Variants in ZNF438 observed in about 807,000 individuals in gnomAD.
The protein encoded by ZNF438 is zinc finger protein 438.
Under a neutral mutation model 38.0 loss-of-function variants are expected in ZNF438, and 25 were observed. The ratio of observed to expected loss-of-function variants is 0.66; its 90% CI spans 0.48 to 0.92. The LOEUF (loss-of-function observed/expected upper bound fraction) is 0.92. Among genes scored for constraint, ZNF438 ranks in the 40% least tolerant of loss-of-function variants. The pLI is 0.00. For missense variants in ZNF438, 1,007 were observed against 999.6 expected (o/e 1.01, Z -0.10); for synonymous variants, 372 against 364.1 (o/e 1.02, Z -0.25).
chr10:30,888,344 A>AACACACACACAC (rs140506626), intron 3 of ZNF438, among the ~76,000 whole-genome samples: 59,752 of 147,250 alleles, frequency 0.41, 13,328 homozygotes, highest in Non-Finnish European at 0.48. Flanking sequence ...TAATATTATA[A>AACACACACACAC]ACACACACAC....
At chr10:30,994,451 C>A (rs1280248070) in intron 1 of ZNF438, among the ~76,000 whole-genome samples, 2 of 152,134 alleles carry the variant, frequency 1.3e-5, no homozygotes, top group African/African-American at 4.8e-5. Flanking sequence ...GGTAGGCTAG[C>A]TATCACAAGA....
chr10:30,878,617 G>A lies in ZNF438; in HGVS notation c.-31-1552C>T, dbSNP rs77054528. Among the ~76,000 whole-genome samples the A allele has an allele frequency of 4.9e-3, 739 of 152,240 alleles. 1 individual carries two copies. Among genetic ancestry groups the A allele is most frequent in the Non-Finnish European group, 8.6e-3 (586 of 67,992 alleles). The stretch of plus-strand genomic sequence containing the variant: ...AGCCCTTTGCCCTTGCTGGTGGAGT[G>A]TAGACACCCCACATGACAAGACAAG... On this transcript the variant is annotated intron_variant, in intron 3 of 5. Coordinates refer to ENST00000413025, the Ensembl canonical transcript of ZNF438.
intron 1 of ZNF438, among the ~76,000 whole-genome samples, chr10:31,021,305 A>G (rs969021482): frequency 6.6e-6 from 1 of 152,212 alleles, no homozygotes; most frequent in African/African-American, 2.4e-5. Flanking sequence ...TAACATCTCC[A>G]TAGGAAAATA....
At chr10:31,011,817 GATGTT>G (rs2055730228) in intron 1 of ZNF438, among the ~76,000 whole-genome samples, 1 of 152,186 alleles carries the variant, frequency 6.6e-6, no homozygotes, top group African/African-American at 2.4e-5. Context: ...AAGTAAAACA[GATGTT>G]ATGTCTCTGA....
intron 2 of ZNF438, among the ~76,000 whole-genome samples, chr10:30,939,119 T>C (rs1278375565): frequency 6.6e-6 from 1 of 152,160 alleles, no homozygotes; most frequent in African/African-American, 2.4e-5. Flanking sequence ...ACATCTTTTG[T>C]TCCCACTTCC....
At chr10:30,883,631 G>A (rs977711849) in intron 3 of ZNF438, among the ~76,000 whole-genome samples, 5 of 152,076 alleles carry the variant, frequency 3.3e-5, no homozygotes, top group Non-Finnish European at 7.4e-5. Context: ...AACACTTTTG[G>A]GGGCAGAGGT....
chr10:30,872,963 C>T (rs547618378), intron 4 of ZNF438, among the ~76,000 whole-genome samples: 1 of 152,212 alleles, frequency 6.6e-6, no homozygotes, highest in South Asian at 2.1e-4. Flanking sequence ...ATACATTGTC[C>T]CTGTCAGAGA....
chr10:31,017,630 G>A (rs767812137), intron 1 of ZNF438, among the ~76,000 whole-genome samples: 34 of 152,160 alleles, frequency 2.2e-4, no homozygotes, highest in Non-Finnish European at 4.9e-4. Context: ...CCTCTGTGAC[G>A]CAGCCATCGC....
intron 3 of ZNF438, among the ~76,000 whole-genome samples, chr10:30,905,930 T>C (rs2042537575): frequency 1.3e-5 from 2 of 152,230 alleles, no homozygotes; most frequent in African/African-American, 4.8e-5. Flanking sequence ...TGTATGTCTA[T>C]CCTTACGCCA....
intron 1 of ZNF438, among the ~76,000 whole-genome samples, chr10:30,980,756 G>T (rs2052034042): frequency 6.6e-6 from 1 of 152,164 alleles, no homozygotes; most frequent in African/African-American, 2.4e-5. Context: ...GCTAAGGACT[G>T]AGCCCTGAGA....
chr10:31,031,447 T>C (rs1612433), intron 1 of ZNF438, among the ~76,000 whole-genome samples: 113,821 of 152,142 alleles, frequency 0.75, 43,221 homozygotes, highest in African/African-American at 0.83. Flanking sequence ...GAGAGGAAGC[T>C]TCCATCCCCT....
intron 1 of ZNF438, among the ~76,000 whole-genome samples, chr10:30,957,999 T>C (rs2135967022): frequency 6.8e-6 from 1 of 147,132 alleles, no homozygotes. Flanking sequence ...AAATGCTTTG[T>C]AGTATAATTT....
intron 4 of ZNF438, among the ~76,000 whole-genome samples, chr10:30,868,003 A>C (rs1480674510): frequency 6.6e-6 from 1 of 152,198 alleles, no homozygotes; most frequent in Non-Finnish European, 1.5e-5. Context: ...CCCAATTTTA[A>C]GAAATATCAT....
rs572289195 is a variant in ZNF438, at chr10:30,891,101, C to A, written c.-31-14036G>T. On this transcript the variant is annotated intron_variant, in intron 3 of 5. Transcript: ENST00000413025. ...AAACTTCACAGTGAAGTGTCTCAGT[C>A]TATTTTCTTCCACTTTCCAAGTGTT... Among the ~76,000 whole-genome samples the A allele has an allele frequency of 3.3e-5, 5 of 152,310 alleles. No individual in the cohort carries two copies. In the South Asian group the frequency reaches 1.0e-3, roughly 32 times the overall value.
chr10:30,926,920 G>A (rs2045006289), intron 2 of ZNF438, among the ~76,000 whole-genome samples: 1 of 152,182 alleles, frequency 6.6e-6, no homozygotes, highest in Non-Finnish European at 1.5e-5. Context: ...AAGTTAAGTA[G>A]GTTAATTTTC....
intron 4 of ZNF438, among the ~76,000 whole-genome samples, chr10:30,860,578 CG>C: frequency 6.6e-6 from 1 of 152,310 alleles, no homozygotes; most frequent in South Asian, 2.1e-4. Context: ...TTGACACTCA[CG>C]CTGGTAGCTC....
chr10:30,997,096 G>T (rs2054130127), intron 1 of ZNF438, among the ~76,000 whole-genome samples: 1 of 152,064 alleles, frequency 6.6e-6, no homozygotes, highest in African/African-American at 2.4e-5. Context: ...AAAAAAGAAA[G>T]ATCTCAAGTG....
intron 4 of ZNF438, among the ~76,000 whole-genome samples, chr10:30,865,066 G>A (rs2036205108): frequency 6.6e-6 from 1 of 152,204 alleles, no homozygotes; most frequent in South Asian, 2.1e-4. Flanking sequence ...GCTGAACTTA[G>A]AACTAAGTTG....
intron 2 of ZNF438, among the ~76,000 whole-genome samples, chr10:30,927,752 T>C (rs1412397993): frequency 2.0e-5 from 3 of 152,216 alleles, no homozygotes. Context: ...ACCTTCACTA[T>C]TAATTGTGTG....
Sources: gnomAD v4.1 joint callset for allele counts (sites outside exome capture counted in the v4.1 genomes callset) on GRCh38, gnomAD v4.1.1 for gene constraint, MANE v1.5 for transcripts, NCBI Gene and HGNC (gene_info 2026-07-23, HGNC 2026-07-21) for gene names.